KCNJ10: variants seen among roughly 807,000 people sequenced by gnomAD.
KCNJ10 encodes the protein ATP-sensitive inward rectifier potassium channel 10.
KCNJ10 carries 9 observed loss-of-function variants against 22.2 expected under a neutral mutation model. That is an observed-to-expected ratio of 0.40 (90% CI 0.24 to 0.71). The LOEUF (loss-of-function observed/expected upper bound fraction) is 0.71. KCNJ10 is among the 30% of genes least tolerant of loss of function. The pLI is 0.35. For missense variants in KCNJ10, 337 were observed against 482.7 expected, an observed-to-expected ratio of 0.70 and a Z score of 2.83; for synonymous variants, 184 against 187.3, an observed-to-expected ratio of 0.98 and a Z score of 0.15.
In KCNJ10 at chr1:160,060,194, G is replaced by C. The variant is rs150849289; in HGVS notation, c.-1+9828C>G. On this transcript the variant is annotated intron_variant, in intron 1 of 1. Transcript: ENST00000644903. The stretch of plus-strand genomic sequence containing the variant: ...TTATCCACATTCCTCCCTTAAGAAG[G>C]AGGATGGGGTAGGGATGGCATGAGG... Among the ~76,000 whole-genome samples, 14 of 152,202 alleles carry C rather than the reference G, an allele frequency of 9.2e-5. No individual in the cohort carries two copies. In the East Asian group the frequency reaches 2.7e-3, roughly 29 times the overall value.
chr1:160,067,203 A>G (rs1256840268), intron 1 of KCNJ10, among the ~76,000 whole-genome samples: 1 of 152,138 alleles, frequency 6.6e-6, no homozygotes, highest in Non-Finnish European at 1.5e-5. Context: ...TCCAGGCTCC[A>G]AGCTGGCAAA....
intron 1 of KCNJ10, among the ~76,000 whole-genome samples, chr1:160,064,145 T>A (rs1223030674): frequency 5.3e-5 from 8 of 152,224 alleles, no homozygotes; most frequent in Admixed American, 3.3e-4. Context: ...CCCAGGTTTT[T>A]GAAACTGTCT....
chr1:160,053,361 A>G (rs1329762605), intron 1 of KCNJ10, among the ~76,000 whole-genome samples: 5 of 152,190 alleles, frequency 3.3e-5, no homozygotes, highest in African/African-American at 9.7e-5. Flanking sequence ...TGGGCTTCCA[A>G]GTGTTCTTAA....
chr1:160,054,800 C>T (rs1162160316), intron 1 of KCNJ10, among the ~76,000 whole-genome samples: 1 of 152,180 alleles, frequency 6.6e-6, no homozygotes, highest in African/African-American at 2.4e-5. Context: ...AGTTTAGGTA[C>T]CAGAAGTATT....
chr1:160,051,571 G>A (rs1571270298), intron 1 of KCNJ10, among the ~76,000 whole-genome samples: 1 of 152,024 alleles, frequency 6.6e-6, no homozygotes, highest in African/African-American at 2.4e-5. Context: ...TCTTCACTGA[G>A]CAAACTCAAC....
chr1:160,061,025 C>T (rs1649177703), intron 1 of KCNJ10, among the ~76,000 whole-genome samples: 1 of 152,070 alleles, frequency 6.6e-6, no homozygotes, highest in African/African-American at 2.4e-5. Context: ...AAGTGACCTT[C>T]GGAGGTTCTT....
chr1:160,057,503 C>T (rs1354010574), intron 1 of KCNJ10, among the ~76,000 whole-genome samples: 1 of 152,216 alleles, frequency 6.6e-6, no homozygotes, highest in African/African-American at 2.4e-5. Flanking sequence ...CCCTCTCAGC[C>T]TGCCAAGAGG....
At chr1:160,048,007 C>G (rs1663166973) in intron 1 of KCNJ10, among the ~76,000 whole-genome samples, 1 of 152,226 alleles carries the variant, frequency 6.6e-6, no homozygotes, top group African/African-American at 2.4e-5. Flanking sequence ...TCCCAAAGTG[C>G]TGGGATTACA....
chr1:160,055,249 A>G (rs1394519036), intron 1 of KCNJ10, among the ~76,000 whole-genome samples: 4 of 152,338 alleles, frequency 2.6e-5, no homozygotes, highest in East Asian at 1.9e-4. Flanking sequence ...AAACACTTGT[A>G]TAAATTCAGA....
At chr1:160,050,535 T>G (rs1648877729) in intron 1 of KCNJ10, among the ~76,000 whole-genome samples, 1 of 152,120 alleles carries the variant, frequency 6.6e-6, no homozygotes, top group South Asian at 2.1e-4. Flanking sequence ...CGTGAAGACC[T>G]TGCAATCTAA....
intron 1 of KCNJ10, among the ~76,000 whole-genome samples, chr1:160,069,667 C>T (rs1487681128): frequency 1.3e-5 from 2 of 152,116 alleles, no homozygotes; most frequent in Admixed American, 6.5e-5. Context: ...GAGGAGGGCG[C>T]ACTGTCTGTT....
At chr1:160,057,733 G>T (rs1245903392) in intron 1 of KCNJ10, among the ~76,000 whole-genome samples, 1 of 152,174 alleles carries the variant, frequency 6.6e-6, no homozygotes, top group Non-Finnish European at 1.5e-5. Flanking sequence ...ACTAGGGAGG[G>T]TATGATGAGA....
chr1:160,042,001 T>C lies in KCNJ10; in HGVS notation c.532A>G (p.Thr178Ala). 1 of 1,577,142 alleles carries C rather than the reference T, an allele frequency of 6.3e-7. No individual in the cohort carries two copies. Among genetic ancestry groups the C allele is most frequent in the East Asian group, 2.2e-5 (1 of 44,538 alleles). ...KIARPKKRAE[T>A]IRFSQHAVVA... The stretch of plus-strand genomic sequence containing the variant: ...ACTGCATGCTGGCTGAAACGAATGG[T>C]CTCAGCCCGCTTCTTGGGCCGGGCA... Residue 178 changes from threonine to alanine, a missense_variant, in exon 2 of 2, where the codon ACC becomes GCC. Thr to Ala is a moderately conservative substitution (Grantham distance 58, BLOSUM62 0). Coordinates refer to ENST00000644903, the MANE Select transcript of KCNJ10 (RefSeq NM_002241.5).
Position 160,042,267 on chromosome 1 carries a change from A to G in KCNJ10, c.266T>C (p.Val89Ala). Residue 89 changes from valine (V) to alanine (A), a missense_variant, in exon 2 of 2, where the codon GTA (valine) becomes GCA (alanine). Transcript: ENST00000644903. Reference sequence around the variant, plus strand: ...CAGCAGGTCCCCATGTGCCACAGCTACCAGATACCACACCACGCCAAAGAG... The same window carrying G: ...CAGCAGGTCCCCATGTGCCACAGCTGCCAGATACCACACCACGCCAAAGAG... ...WFLFGVVWYL[V>A]AVAHGDLLEL... 29 of 1,614,144 alleles carry G rather than the reference A, an allele frequency of 1.8e-5. No individual in the cohort carries two copies. The highest frequency in any genetic ancestry group is 2.5e-5 in the Non-Finnish European group (29 of 1,179,978).
chr1:160,052,816 C>G (rs1373129078), intron 1 of KCNJ10, among the ~76,000 whole-genome samples: 1 of 152,174 alleles, frequency 6.6e-6, no homozygotes, highest in African/African-American at 2.4e-5. Context: ...TAGTTTCACA[C>G]TTCTCAAACT....
intron 1 of KCNJ10, chr1:160,063,691 T>C (rs1321221077): frequency 6.6e-6 from 1 of 152,268 alleles, no homozygotes; most frequent in Non-Finnish European, 1.5e-5. Flanking sequence ...TTAGAACTCC[T>C]GGGTTCGGGG....
intron 1 of KCNJ10, among the ~76,000 whole-genome samples, chr1:160,055,767 T>C (rs1649014960): frequency 6.6e-6 from 1 of 152,230 alleles, no homozygotes; most frequent in Non-Finnish European, 1.5e-5. Flanking sequence ...TCTCTCTTGC[T>C]GTAATCTCTC....
chr1:160,040,803 C>G lies in KCNJ10; in HGVS notation c.*590G>C. On this transcript the variant is annotated 3_prime_UTR_variant, in exon 2 of 2. Transcript: ENST00000644903. ...AACTACAGAGGGAAAACAGTGGCGACCATGGTTCTAGCTTATGGTCAGAAG... is the reference window on the plus strand; with the variant it reads ...AACTACAGAGGGAAAACAGTGGCGAGCATGGTTCTAGCTTATGGTCAGAAG... 1 of 391,382 alleles carries G rather than the reference C, an allele frequency of 2.6e-6. No individual in the cohort carries two copies. Among genetic ancestry groups the G allele is most frequent in the Non-Finnish European group, 4.5e-6 (1 of 221,172 alleles). The allele number at this position is 391,382 out of a possible 1,614,324, so 24.2% of individuals were successfully genotyped here.
In KCNJ10 at chr1:160,037,559, AT is replaced by A. The variant is rs576512670; in HGVS notation, c.*3833del. 6.6e-6 allele frequency: 1 copy of A among 152,210 alleles called. No homozygotes were observed. Among genetic ancestry groups the A allele is most frequent in the Non-Finnish European group, 1.5e-5 (1 of 68,042 alleles). The allele number at this position is 152,210 out of a possible 1,614,324, so 9.4% of individuals were successfully genotyped here. ...TACACACCTTTTTTTTCCTAGATAA[AT>A]TTGACCTGGTTTAGTCTTTAGTGCA... On this transcript the variant is annotated 3_prime_UTR_variant, in exon 2 of 2. Coordinates refer to ENST00000644903, the MANE Select transcript of KCNJ10 (RefSeq NM_002241.5).
Sources: allele counts gnomAD v4.1 joint callset (sites outside exome capture counted in the v4.1 genomes callset), GRCh38; gene constraint gnomAD v4.1.1; transcripts MANE v1.5; gene names NCBI Gene and HGNC (gene_info 2026-07-23, HGNC 2026-07-21).